CACNA1C: variants seen among roughly 807,000 people sequenced by gnomAD.
CACNA1C encodes the protein calcium voltage-gated channel subunit alpha1 C, also known as voltage-dependent L-type calcium channel subunit alpha-1C.
A neutral mutation model predicts 229.0 loss-of-function variants in CACNA1C; 30 were observed. The observed-to-expected ratio is 0.13, with a 90% CI of 0.10 to 0.18. CACNA1C has a LOEUF of 0.18. Among genes scored for constraint, CACNA1C ranks in the 10% least tolerant of loss-of-function variants. The pLI is 1.00. For synonymous variants in CACNA1C, 1,114 were observed against 1,132.5 expected (o/e 0.98, Z 0.33); for missense variants, 1,658 against 2,845.0 (o/e 0.58, Z 9.49).
At chr12:2,066,279 A>G (rs1446953788) in intron 1 of CACNA1C, among the ~76,000 whole-genome samples, 2 of 152,072 alleles carry the variant, frequency 1.3e-5, no homozygotes, top group East Asian at 1.9e-4. Context: ...AGAAGGTGCT[A>G]TTTGAAGCTG....
chr12:2,557,091 C>A (rs938535461), intron 11 of CACNA1C, 114 bp downstream of exon 11: 7 of 777,094 alleles, frequency 9.0e-6, no homozygotes, highest in Admixed American at 4.2e-5. Flanking sequence ...AAGGGCTGTT[C>A]TTCTAAGGGG....
intron 13 of CACNA1C, among the ~76,000 whole-genome samples, chr12:2,576,077 GC>G (rs2058281764): frequency 6.6e-6 from 1 of 152,162 alleles, no homozygotes; most frequent in Non-Finnish European, 1.5e-5. Flanking sequence ...AAGTGAGAGA[GC>G]TTAAAGGGAG....
intron 3 of CACNA1C, among the ~76,000 whole-genome samples, chr12:2,192,446 C>G (rs190943246): frequency 1.3e-5 from 2 of 152,172 alleles, no homozygotes; most frequent in African/African-American, 4.8e-5. Flanking sequence ...CACAGCAGGC[C>G]GGGCCGGCTC....
intron 1 of CACNA1C, among the ~76,000 whole-genome samples, chr12:2,033,392 A>G (rs987492938): frequency 2.0e-5 from 3 of 152,196 alleles, no homozygotes; most frequent in Non-Finnish European, 2.9e-5. Flanking sequence ...CCTGGAACCC[A>G]GGACATGGAT....
intron 10 of CACNA1C, 47 bp from the exon 11 acceptor site, chr12:2,556,904 G>T (rs1195456618): frequency 6.5e-7 from 1 of 1,548,306 alleles, no homozygotes; most frequent in Non-Finnish European, 8.9e-7. Context: ...TCTTTTAAAT[G>T]CACGTGTGTG....
At chr12:2,619,603 C>G (rs747318890) in intron 29 of CACNA1C, among the ~76,000 whole-genome samples, 19 of 152,076 alleles carry the variant, frequency 1.2e-4, no homozygotes, top group Admixed American at 9.8e-4. Context: ...AACTATCACT[C>G]CCCTTTCCTG....
chr12:2,281,537 A>G (rs992731564), intron 3 of CACNA1C, among the ~76,000 whole-genome samples: 6 of 152,146 alleles, frequency 3.9e-5, no homozygotes, highest in Non-Finnish European at 1.5e-5. Context: ...TTTCCGAAGG[A>G]TATTTTTACT....
At chr12:2,559,276 A>G (rs922800863) in intron 11 of CACNA1C, among the ~76,000 whole-genome samples, 7 of 152,254 alleles carry the variant, frequency 4.6e-5, no homozygotes, top group Non-Finnish European at 8.8e-5. Context: ...ATAAATTAAT[A>G]AATGAATGAA....
In CACNA1C at chr12:2,398,097, T is replaced by G. The variant is rs576691880; in HGVS notation, c.478-50879T>G. 9.8e-5 allele frequency among the ~76,000 whole-genome samples: 15 copies of G among 152,372 alleles called. No homozygotes were observed. The South Asian group carries it at 3.1e-3, about 32-fold the overall frequency. On this transcript the variant is annotated intron_variant, in intron 3 of 46. Transcript: ENST00000399655. The stretch of plus-strand genomic sequence containing the variant: ...ATTAGAAGGAAGAGAGCCATTTGGC[T>G]TTTTCCAAAAGGTAAGAAGGAGGAC...
At chr12:2,192,446 C>T (rs190943246) in intron 3 of CACNA1C, among the ~76,000 whole-genome samples, 4 of 152,290 alleles carry the variant, frequency 2.6e-5, no homozygotes, top group East Asian at 1.9e-4. Context: ...CACAGCAGGC[C>T]GGGCCGGCTC....
At chr12:2,331,801 A>G (rs973078538) in intron 3 of CACNA1C, among the ~76,000 whole-genome samples, 8 of 149,182 alleles carry the variant, frequency 5.4e-5, no homozygotes, top group Non-Finnish European at 1.2e-4. Flanking sequence ...ATTGAGGGAC[A>G]TGCTACAAAT....
chr12:2,174,267 T>C (rs2096581942), intron 3 of CACNA1C, among the ~76,000 whole-genome samples: 1 of 152,090 alleles, frequency 6.6e-6, no homozygotes. Flanking sequence ...AGGTGCTTTC[T>C]CTAGAAGGGA....
chr12:2,666,542 G>A lies in CACNA1C; in HGVS notation c.4527-144G>A, dbSNP rs527243988. ...CTGTGTCATGCAATTCTGCAACTCT[G>A]TACTGAGTGTGACTAATAGGGCTAC... is the stretch of plus-strand genomic sequence containing the variant. On this transcript the variant is annotated intron_variant, in intron 36 of 46. Coordinates refer to ENST00000399655, the MANE Select transcript of CACNA1C (RefSeq NM_000719.7). This position sits in a 1 kb window ranked among gnomAD's most constrained non-coding sequence, Gnocchi z 5.3. 6.4e-5 allele frequency: 38 copies of A among 593,682 alleles called. No homozygotes were observed. In the East Asian group the frequency reaches 1.1e-3, roughly 17 times the overall value. The allele number at this position is 593,682 out of a possible 1,614,324, so 36.8% of individuals were successfully genotyped here.
At chr12:2,553,357 A>G (rs1361870016) in intron 10 of CACNA1C, among the ~76,000 whole-genome samples, 1 of 152,226 alleles carries the variant, frequency 6.6e-6, no homozygotes, top group African/African-American at 2.4e-5. Context: ...TGTAAAGCCT[A>G]CAGTTCTGTA....
intron 3 of CACNA1C, among the ~76,000 whole-genome samples, chr12:2,240,238 T>G (rs1408213753): frequency 6.6e-6 from 1 of 152,208 alleles, no homozygotes; most frequent in East Asian, 1.9e-4. Flanking sequence ...TCAGCTGACA[T>G]GCAGTTTCCC....
chr12:2,427,983 T>C (rs2099049177), intron 3 of CACNA1C, among the ~76,000 whole-genome samples: 1 of 152,210 alleles, frequency 6.6e-6, no homozygotes, highest in African/African-American at 2.4e-5. Flanking sequence ...TATTAGTGGC[T>C]CCTTATCAGA....
At chr12:2,533,928 A>G (rs2099847025) in intron 9 of CACNA1C, among the ~76,000 whole-genome samples, 2 of 152,100 alleles carry the variant, frequency 1.3e-5, no homozygotes, top group Non-Finnish European at 2.9e-5. Context: ...ACACTGCTGG[A>G]CTCTCCTAAT....
intron 3 of CACNA1C, among the ~76,000 whole-genome samples, chr12:2,218,601 G>GTC (rs991547893): frequency 1.3e-5 from 2 of 152,192 alleles, no homozygotes; most frequent in African/African-American, 4.8e-5. Context: ...CAAATGGAAG[G>GTC]TCTCTCTGTG....
At chr12:2,277,358 GACAGACACACACAC>G (rs763197367) in intron 3 of CACNA1C, among the ~76,000 whole-genome samples, 4,503 of 80,624 alleles carry the variant, frequency 0.056, 72 homozygotes, top group Non-Finnish European at 0.067. Context: ...CAGACAGACA[GACAGACACACACAC>G]ACACACACAC....
Sources: gnomAD v4.1 joint callset for allele counts (sites outside exome capture counted in the v4.1 genomes callset) on GRCh38, gnomAD v4.1.1 for gene constraint, Gnocchi (gnomAD v3.1) non-coding constraint, MANE v1.5 for transcripts, NCBI Gene and HGNC (gene_info 2026-07-23, HGNC 2026-07-21) for gene names.